The following CCDC7 variants were observed in gnomAD, a reference collection of about 807,000 sequenced individuals.
CCDC7 encodes the protein coiled-coil domain-containing protein 7.
Under a neutral mutation model 196.9 loss-of-function variants are expected in CCDC7, and 183 were observed. That is an observed-to-expected ratio of 0.93 (90% CI 0.82 to 1.05). The LOEUF is 1.05. Ranked by LOEUF, CCDC7 falls within the 50% of genes least tolerant of loss-of-function variation. The pLI, the probability that CCDC7 is intolerant of heterozygous loss-of-function variation, is 0.00. For missense variants in CCDC7, 1,540 were observed against 1,482.2 expected (o/e 1.04, Z -0.64); for synonymous variants, 525 against 484.6 (o/e 1.08, Z -1.10).
chr10:32,486,056 A>T (rs1419780738), intron 8 of CCDC7, among the ~76,000 whole-genome samples: 1 of 152,064 alleles, frequency 6.6e-6, no homozygotes, highest in African/African-American at 2.4e-5. Context: ...TATCCTTGTT[A>T]ACTTTCTGTC....
At chr10:32,445,186 A>C (rs1276441192), upstream of CCDC7, among the ~76,000 whole-genome samples, 1 of 152,132 alleles carries the variant, frequency 6.6e-6, no homozygotes, top group Admixed American at 6.5e-5. Context: ...ACCCAGAAAG[A>C]GCAGAAGACA....
intron 24 of CCDC7, among the ~76,000 whole-genome samples, chr10:32,695,455 G>A (rs2077588364): frequency 6.6e-6 from 1 of 152,204 alleles, no homozygotes; most frequent in Non-Finnish European, 1.5e-5. Context: ...AGAACATCCT[G>A]TCTTTAGGCT....
chr10:32,678,345 C>T (rs1054042407), intron 21 of CCDC7, among the ~76,000 whole-genome samples: 4 of 152,108 alleles, frequency 2.6e-5, no homozygotes, highest in Admixed American at 2.6e-4. Flanking sequence ...CATTGATGTA[C>T]GTGCATTTAA....
At chr10:32,571,450 A>T (rs2057544703) in intron 15 of CCDC7, among the ~76,000 whole-genome samples, 1 of 152,206 alleles carries the variant, frequency 6.6e-6, no homozygotes, top group Non-Finnish European at 1.5e-5. Flanking sequence ...CTTCAACAAG[A>T]ATATTTAAAA....
chr10:32,676,223 C>T lies in CCDC7; in HGVS notation c.2123-9747C>T, dbSNP rs181906205. ...TTACACCTTATACAAAATTAATTCA[C>T]GTGGATTAAAGACTTAAATGTTAGA... On this transcript the variant is annotated intron_variant, in intron 21 of 41. Coordinates refer to ENST00000639629, the Ensembl canonical transcript of CCDC7. Among the ~76,000 whole-genome samples, 965 of 118,170 alleles carry T rather than the reference C, an allele frequency of 8.2e-3. 24 individuals are homozygous for T. The highest frequency in any genetic ancestry group is 0.029 in the African/African-American group (921 of 31,948). 77.5% of individuals were successfully genotyped at this position (118,170 alleles called of 152,430 possible). A position where few individuals can be genotyped will look rare whatever the true frequency, so the allele number is the denominator to read the frequency against.
chr10:32,755,942 G>A lies in CCDC7; in HGVS notation c.2906-23035G>A, dbSNP rs138072304. Among the ~76,000 whole-genome samples the A allele has an allele frequency of 6.0e-3, 914 of 152,194 alleles. 9 individuals are homozygous for A. The highest frequency in any genetic ancestry group is 0.021 in the African/African-American group (867 of 41,534). ...GTGATGGAGCAGAAAACCATGGCAC[G>A]AGAACTATGTGATACATGCACAAGC... On this transcript the variant is annotated intron_variant, in intron 28 of 41. Coordinates refer to ENST00000639629, the Ensembl canonical transcript of CCDC7.
At chr10:32,638,026 CTGTT>C (rs2065973143) in intron 20 of CCDC7, among the ~76,000 whole-genome samples, 1 of 152,106 alleles carries the variant, frequency 6.6e-6, no homozygotes. Context: ...ATTTGGCTCT[CTGTT>C]TGTCTGTTAT....
At chr10:32,588,031 A>G (rs966138886) in intron 18 of CCDC7, among the ~76,000 whole-genome samples, 1 of 152,134 alleles carries the variant, frequency 6.6e-6, no homozygotes, top group Admixed American at 6.5e-5. Context: ...TATCAAGAGA[A>G]TGGGTCTTCT....
upstream of CCDC7, among the ~76,000 whole-genome samples, chr10:32,444,564 T>C (rs577877048): frequency 2.0e-5 from 3 of 152,368 alleles, no homozygotes; most frequent in East Asian, 5.8e-4. Flanking sequence ...TTCAGGGTTC[T>C]AGAAAATAAC....
At chr10:32,674,322 C>T (rs113497375) in intron 21 of CCDC7, among the ~76,000 whole-genome samples, 26 of 151,762 alleles carry the variant, frequency 1.7e-4, no homozygotes, top group Admixed American at 1.3e-4. Flanking sequence ...TTCTAATTTC[C>T]CTTTTGATTT....
chr10:32,507,977 A>T (rs750233496), intron 9 of CCDC7, among the ~76,000 whole-genome samples: 1 of 152,198 alleles, frequency 6.6e-6, no homozygotes, highest in African/African-American at 2.4e-5. Flanking sequence ...AAGGATGCCT[A>T]CTCTTACCAA....
intron 9 of CCDC7, among the ~76,000 whole-genome samples, chr10:32,497,840 A>C (rs1417424660): frequency 2.6e-5 from 4 of 152,106 alleles, no homozygotes. Context: ...GAATAAGTGC[A>C]ATGTGGTGTT....
At chr10:32,548,074 A>G (rs1440397663) in intron 13 of CCDC7, among the ~76,000 whole-genome samples, 1 of 152,182 alleles carries the variant, frequency 6.6e-6, no homozygotes, top group African/African-American at 2.4e-5. Context: ...ACAGCACTCG[A>G]ACATAAATTT....
upstream of CCDC7, among the ~76,000 whole-genome samples, chr10:32,449,667 C>T (rs1001977052): frequency 5.9e-5 from 9 of 152,108 alleles, no homozygotes; most frequent in African/African-American, 1.9e-4. Context: ...TATTTGTTTT[C>T]GAAGTGCTAA....
intron 22 of CCDC7, among the ~76,000 whole-genome samples, chr10:32,688,160 G>A (rs1447547020): frequency 6.6e-6 from 1 of 152,074 alleles, no homozygotes; most frequent in Admixed American, 6.6e-5. Context: ...ACTATACACG[G>A]TGCCACTGTC....
intron 9 of CCDC7, chr10:32,511,402 T>C (rs1473492125): frequency 1.2e-6 from 2 of 1,610,040 alleles, no homozygotes; most frequent in Admixed American, 1.7e-5. Flanking sequence ...ATCTTGAAGC[T>C]GCACCTCTGT....
At chr10:32,827,812 A>G (rs1336553974) in intron 32 of CCDC7, among the ~76,000 whole-genome samples, 4 of 151,898 alleles carry the variant, frequency 2.6e-5, no homozygotes, top group Non-Finnish European at 4.4e-5. Context: ...ATAACTAAAA[A>G]CCATGTTTTA....
chr10:32,881,418 T>C (rs555331369), downstream of CCDC7, among the ~76,000 whole-genome samples: 1 of 152,170 alleles, frequency 6.6e-6, no homozygotes, highest in Non-Finnish European at 1.5e-5. Flanking sequence ...TATTGAGCCA[T>C]TGGGCCAAGG....
chr10:32,548,959 C>G (rs1468494371), intron 13 of CCDC7, among the ~76,000 whole-genome samples: 2 of 152,102 alleles, frequency 1.3e-5, no homozygotes, highest in African/African-American at 4.8e-5. Flanking sequence ...AATGGTAGTT[C>G]TACTGTTAGT....
Sources: allele counts gnomAD v4.1 joint callset (sites outside exome capture counted in the v4.1 genomes callset), GRCh38; gene constraint gnomAD v4.1.1; transcripts MANE v1.5; gene names NCBI Gene and HGNC (gene_info 2026-07-23, HGNC 2026-07-21).